PTPRG: variants seen among roughly 807,000 people sequenced by gnomAD.
PTPRG encodes the protein protein tyrosine phosphatase receptor type G, also known as receptor-type tyrosine-protein phosphatase gamma.
A neutral mutation model predicts 165.3 loss-of-function variants in PTPRG; 102 were observed. The ratio of observed to expected loss-of-function variants is 0.62; its 90% confidence interval spans 0.53 to 0.73. The LOEUF is 0.73. PTPRG is among the 30% of genes least tolerant of loss of function. The pLI is 0.00. For synonymous variants in PTPRG, 675 were observed against 669.5 expected (o/e 1.01, Z -0.13); for missense variants, 1,866 against 1,861.4 (o/e 1.00, Z -0.05).
rs1250111287 is a variant in PTPRG, at chr3:62,255,516, A to T, written c.2559+301A>T. On this transcript the variant is annotated intron_variant, in intron 16 of 29. Transcript: ENST00000474889. The surrounding 1 kb of genome is among the most constrained non-coding windows in gnomAD (Gnocchi z 4.0). Reference sequence around the variant, plus strand: ...CTTGCTACATCTAATTCTAACTGGGAACAGCAGTCATAACACAAGGCTCCC... The same window carrying T: ...CTTGCTACATCTAATTCTAACTGGGTACAGCAGTCATAACACAAGGCTCCC... 5.9e-5 allele frequency among the ~76,000 whole-genome samples: 9 copies of T among 152,154 alleles called. No individual in the cohort carries two copies. Among genetic ancestry groups the T allele is most frequent in the Admixed American group, 4.6e-4 (7 of 15,272 alleles).
At chr3:62,061,355 C>A (rs1407363405) in intron 4 of PTPRG, among the ~76,000 whole-genome samples, 1 of 152,134 alleles carries the variant, frequency 6.6e-6, no homozygotes, top group Non-Finnish European at 1.5e-5. Flanking sequence ...TTTCTATATC[C>A]ACTAACAAGA....
intron 2 of PTPRG, among the ~76,000 whole-genome samples, chr3:61,950,402 G>A (rs6805169): frequency 0.039 from 5,897 of 152,230 alleles, 337 homozygotes; most frequent in African/African-American, 0.13. Context: ...TGTATCTTAT[G>A]TTTTTTGCCC....
intron 1 of PTPRG, among the ~76,000 whole-genome samples, chr3:61,727,319 A>G (rs576010391): frequency 1.3e-5 from 2 of 151,802 alleles, no homozygotes; most frequent in East Asian, 3.9e-4. Context: ...ACACCCAGCT[A>G]ATTTTTTTGT....
In PTPRG at chr3:62,273,056, A is replaced by G. The variant is rs902225435; in HGVS notation, c.3293A>G (p.Gln1098Arg). ...GGATTCCTGAAGCATATCAGGACAC[A>G]GCGTAACTACCTCGTCCAGACTGAG... ...VLGFLKHIRT[Q>R]RNYLVQTEEQ... Residue 1098 changes from glutamine to arginine, a missense_variant, in exon 22 of 30, where the codon CAG becomes CGG. This residue lies in a region of PTPRG where 1,452 missense variants were observed against 1,463.0 expected (regional missense o/e 0.99). Coordinates refer to ENST00000474889, the MANE Select transcript of PTPRG (RefSeq NM_002841.4). The surrounding 1 kb of genome is among the most constrained non-coding windows in gnomAD (Gnocchi z 4.1). 6 of 1,613,448 alleles carry G rather than the reference A, an allele frequency of 3.7e-6. No homozygotes were observed. In the Admixed American group the frequency reaches 5.0e-5, roughly 13 times the overall value.
intron 4 of PTPRG, among the ~76,000 whole-genome samples, chr3:62,060,502 G>A (rs901572006): frequency 1.3e-5 from 2 of 152,198 alleles, no homozygotes; most frequent in African/African-American, 4.8e-5. Flanking sequence ...TTACGTGGAT[G>A]TGCTCACTCT....
chr3:62,258,669 A>AGCTT (rs1459966908), intron 16 of PTPRG, among the ~76,000 whole-genome samples: 5 of 152,212 alleles, frequency 3.3e-5, no homozygotes, highest in African/African-American at 1.2e-4. Flanking sequence ...GCTGTAAGCC[A>AGCTT]GCTTTTTGTT....
intron 4 of PTPRG, among the ~76,000 whole-genome samples, chr3:62,016,456 G>A (rs1486954860): frequency 6.6e-6 from 1 of 152,092 alleles, no homozygotes; most frequent in Non-Finnish European, 1.5e-5. Flanking sequence ...GTGAGCCACC[G>A]CGCCCGGCCT....
chr3:61,853,929 G>A (rs1402333811), intron 2 of PTPRG, among the ~76,000 whole-genome samples: 2 of 152,130 alleles, frequency 1.3e-5, no homozygotes, highest in African/African-American at 4.8e-5. Context: ...TGAATATGTG[G>A]CCATGGCCAT....
intron 1 of PTPRG, chr3:61,742,322 G>C: frequency 1.7e-6 from 1 of 601,194 alleles, no homozygotes; most frequent in Non-Finnish European, 2.8e-6. Flanking sequence ...AGGCACGTAG[G>C]AAACAGTTGC....
In PTPRG at chr3:62,223,751, G is replaced by T. The variant is rs183372847; in HGVS notation, c.2288+4768G>T. ...GGAAAAATGGAAAATGTAACTCTGG[G>T]TCCTGGTATGCCTCAAATGAAGTTT... is the stretch of plus-strand genomic sequence containing the variant. On this transcript the variant is annotated intron_variant, in intron 13 of 29. Coordinates refer to ENST00000474889, the MANE Select transcript of PTPRG (RefSeq NM_002841.4). 1.5e-3 allele frequency among the ~76,000 whole-genome samples: 229 copies of T among 152,278 alleles called. 2 individuals carry two copies. The highest frequency in any genetic ancestry group is 5.2e-3 in the African/African-American group (216 of 41,550).
chr3:61,700,196 A>G (rs1406674094), intron 1 of PTPRG, among the ~76,000 whole-genome samples: 1 of 152,230 alleles, frequency 6.6e-6, no homozygotes, highest in Admixed American at 6.5e-5. Context: ...TTCAACCAAG[A>G]AATAAGTCAA....
intron 2 of PTPRG, among the ~76,000 whole-genome samples, chr3:61,801,199 C>T (rs2035229739): frequency 6.6e-6 from 1 of 152,150 alleles, no homozygotes; most frequent in South Asian, 2.1e-4. Context: ...CAAAAGCACA[C>T]ATATTTTCAT....
At chr3:61,729,991 G>C (rs569329813) in intron 1 of PTPRG, among the ~76,000 whole-genome samples, 1 of 152,280 alleles carries the variant, frequency 6.6e-6, no homozygotes, top group Non-Finnish European at 1.5e-5. Flanking sequence ...CCCATAACGT[G>C]GTGGTTCATT....
chr3:61,587,960 AT>A (rs34616477), intron 1 of PTPRG, among the ~76,000 whole-genome samples: 4 of 149,008 alleles, frequency 2.7e-5, no homozygotes, highest in East Asian at 2.0e-4. Flanking sequence ...CAGCTGTCCC[AT>A]TTTTTTTTTT....
intron 2 of PTPRG, among the ~76,000 whole-genome samples, chr3:61,759,517 A>G (rs776071227): frequency 4.6e-5 from 7 of 151,980 alleles, no homozygotes; most frequent in Non-Finnish European, 1.0e-4. Context: ...TTAGCTGGGC[A>G]TGGTAGCTCA....
At chr3:61,992,247 G>T (rs1217993138) in intron 3 of PTPRG, among the ~76,000 whole-genome samples, 1 of 109,550 alleles carries the variant, frequency 9.1e-6, no homozygotes, top group African/African-American at 4.2e-5. Flanking sequence ...ATGCATTTTT[G>T]CATTTTTTTT....
intron 5 of PTPRG, among the ~76,000 whole-genome samples, chr3:62,107,758 A>G (rs1373805146): frequency 6.6e-6 from 1 of 152,224 alleles, no homozygotes; most frequent in Non-Finnish European, 1.5e-5. Flanking sequence ...TGATTCATCC[A>G]TTCATTCATT....
At chr3:61,664,749 T>C (rs1313337249) in intron 1 of PTPRG, among the ~76,000 whole-genome samples, 1 of 152,124 alleles carries the variant, frequency 6.6e-6, no homozygotes, top group Non-Finnish European at 1.5e-5. Context: ...GAGGCTCCCT[T>C]GAGCCTGGGA....
chr3:62,018,655 A>G (rs1051074486), intron 4 of PTPRG, among the ~76,000 whole-genome samples: 2 of 152,232 alleles, frequency 1.3e-5, no homozygotes, highest in Non-Finnish European at 2.9e-5. Flanking sequence ...ATACATTAAT[A>G]AAACTCATCA....
Sources: gnomAD v4.1 joint callset for allele counts (sites outside exome capture counted in the v4.1 genomes callset) on GRCh38, gnomAD v4.1.1 for gene constraint, gnomAD v4.1.1 regional missense constraint, Gnocchi (gnomAD v3.1) non-coding constraint, MANE v1.5 for transcripts, NCBI Gene and HGNC (gene_info 2026-07-23, HGNC 2026-07-21) for gene names.